The following HDAC9 variants were observed in gnomAD, a reference collection of about 807,000 sequenced individuals.
HDAC9 encodes MEF-2 interacting transcription repressor (MITR) protein.
In HDAC9, 41 loss-of-function variants were observed where a neutral mutation model predicts 139.4. The ratio of observed to expected loss-of-function variants is 0.29; its 90% CI spans 0.23 to 0.38. The LOEUF (loss-of-function observed/expected upper bound fraction) is 0.38, where lower values mean the gene tolerates loss of function less well. HDAC9 is among the 10% of genes least tolerant of loss of function. HDAC9 has a pLI of 1.00. For missense variants in HDAC9, 1,147 were observed against 1,297.0 expected (o/e 0.88, Z 1.78); for synonymous variants, 517 against 476.2 (o/e 1.09, Z -1.12).
intron 17 of HDAC9, among the ~76,000 whole-genome samples, chr7:18,826,465 G>T (rs1378046515): frequency 6.6e-6 from 1 of 152,182 alleles, no homozygotes; most frequent in Non-Finnish European, 1.5e-5. Flanking sequence ...GGTGGATCAT[G>T]ATGACTGAGA....
At chr7:18,590,611 T>C in intron 4 of HDAC9, 125 bp downstream of exon 4, 2 of 975,128 alleles carry the variant, frequency 2.1e-6, no homozygotes, top group Non-Finnish European at 3.0e-6. Flanking sequence ...ATTAAAAGCA[T>C]AGATTACAGA....
In HDAC9 at chr7:18,306,309, A is replaced by C. The variant is rs919496466; in HGVS notation, c.-42+15794A>C. Among the ~76,000 whole-genome samples the C allele has an allele frequency of 3.3e-5, 5 of 152,294 alleles. No individual in the cohort carries two copies. The East Asian group carries it at 7.7e-4, about 24-fold the overall frequency. On this transcript the variant is annotated intron_variant, in intron 1 of 3. Coordinates refer to the HDAC9 transcript ENST00000413509. ...TTCCTCAGCACTTCTGGCCACTGAAAAATACATCCAATCGTTACAGTTAGA... is the reference window on the plus strand; with the variant it reads ...TTCCTCAGCACTTCTGGCCACTGAACAATACATCCAATCGTTACAGTTAGA...
chr7:18,830,771 C>A (rs1225957813), intron 19 of HDAC9, among the ~76,000 whole-genome samples: 1 of 152,170 alleles, frequency 6.6e-6, no homozygotes, highest in East Asian at 1.9e-4. Context: ...ATTTTCCATA[C>A]ACGCCTGAGT....
At chr7:18,984,326 G>T (rs866662419) in intron 25 of HDAC9, among the ~76,000 whole-genome samples, 4 of 152,100 alleles carry the variant, frequency 2.6e-5, no homozygotes, top group Non-Finnish European at 4.4e-5. Context: ...GGGCAGTTGG[G>T]GGTGCCACAG....
intron 12 of HDAC9, among the ~76,000 whole-genome samples, chr7:18,692,650 A>C (rs1782752997): frequency 6.6e-6 from 1 of 152,136 alleles, no homozygotes; most frequent in Admixed American, 6.6e-5. Flanking sequence ...GGGCCACGCA[A>C]ACTAATGGAG....
At chr7:18,874,312 TA>T (rs1799158230) in intron 21 of HDAC9, among the ~76,000 whole-genome samples, 165 bp from the exon 22 acceptor site, 1 of 152,126 alleles carries the variant, frequency 6.6e-6, no homozygotes, top group Non-Finnish European at 1.5e-5. Flanking sequence ...AACAGCGATT[TA>T]TTATTAAGGA....
chr7:18,155,995 T>A (rs1341267289), intron 1 of HDAC9, among the ~76,000 whole-genome samples: 1 of 152,176 alleles, frequency 6.6e-6, no homozygotes, highest in African/African-American at 2.4e-5. Flanking sequence ...AGTCCTAGAC[T>A]CTCATCATTC....
intron 13 of HDAC9, among the ~76,000 whole-genome samples, chr7:18,734,044 A>T (rs964784791): frequency 6.6e-6 from 1 of 152,214 alleles, no homozygotes; most frequent in Non-Finnish European, 1.5e-5. Flanking sequence ...TATTTCACGT[A>T]TACCTTGTTT....
intron 1 of HDAC9, among the ~76,000 whole-genome samples, chr7:18,321,772 G>T (rs910812392): frequency 2.0e-5 from 3 of 152,068 alleles, no homozygotes; most frequent in African/African-American, 7.2e-5. Flanking sequence ...CAGATGAGAC[G>T]CGCCCTGGTG....
intron 2 of HDAC9, among the ~76,000 whole-genome samples, chr7:18,260,986 A>G (rs920343606): frequency 6.6e-6 from 1 of 152,092 alleles, no homozygotes; most frequent in East Asian, 1.9e-4. Flanking sequence ...AAATATAAGC[A>G]AACATGCTGG....
intron 22 of HDAC9, among the ~76,000 whole-genome samples, chr7:18,902,943 A>T (rs1425935266): frequency 2.0e-5 from 3 of 152,218 alleles, no homozygotes; most frequent in Admixed American, 6.5e-5. Flanking sequence ...TTATTTACAT[A>T]TGGCATTGTG....
intron 17 of HDAC9, among the ~76,000 whole-genome samples, chr7:18,807,024 G>A (rs965628792): frequency 5.9e-5 from 9 of 152,122 alleles, no homozygotes; most frequent in Admixed American, 1.3e-4. Flanking sequence ...GGTTTGAGAA[G>A]TATTTGCATT....
At chr7:18,904,192 T>G (rs1280250146) in intron 22 of HDAC9, among the ~76,000 whole-genome samples, 1 of 152,236 alleles carries the variant, frequency 6.6e-6, no homozygotes. Context: ...ATGAATTTAC[T>G]GAAATAGTAA....
intron 16 of HDAC9, among the ~76,000 whole-genome samples, chr7:18,769,355 C>T (rs954606428): frequency 6.6e-6 from 1 of 152,128 alleles, no homozygotes; most frequent in African/African-American, 2.4e-5. Flanking sequence ...AAACATAATG[C>T]ACAGTGTGGG....
intron 2 of HDAC9, among the ~76,000 whole-genome samples, chr7:18,166,305 C>T (rs551110973): frequency 3.3e-5 from 5 of 152,128 alleles, no homozygotes; most frequent in Non-Finnish European, 5.9e-5. Context: ...CTCTTTTCAC[C>T]ATTGTGGGAA....
chr7:18,544,433 C>CT (rs1327342537), intron 2 of HDAC9, among the ~76,000 whole-genome samples: 1 of 152,130 alleles, frequency 6.6e-6, no homozygotes, highest in Non-Finnish European at 1.5e-5. Flanking sequence ...AGATGCCAAC[C>CT]AGGCATCAAT....
intron 21 of HDAC9, among the ~76,000 whole-genome samples, chr7:18,843,934 C>T (rs746458373): frequency 6.6e-6 from 1 of 152,112 alleles, no homozygotes; most frequent in Non-Finnish European, 1.5e-5. Context: ...TCAGATATTA[C>T]ATCTGAGATG....
chr7:18,960,283 C>G (rs572901239), intron 24 of HDAC9, among the ~76,000 whole-genome samples: 1 of 152,164 alleles, frequency 6.6e-6, no homozygotes, highest in South Asian at 2.1e-4. Context: ...AGATGAGAGG[C>G]AAGTATATTT....
intron 2 of HDAC9, among the ~76,000 whole-genome samples, chr7:18,567,146 A>G (rs1419084174): frequency 1.3e-5 from 2 of 152,182 alleles, no homozygotes; most frequent in Admixed American, 1.3e-4. Context: ...GTCCTGCAGC[A>G]TGCCAAATTT....
Sources: gnomAD v4.1 joint callset for allele counts (sites outside exome capture counted in the v4.1 genomes callset) on GRCh38, gnomAD v4.1.1 for gene constraint, MANE v1.5 for transcripts, NCBI Gene and HGNC (gene_info 2026-07-23, HGNC 2026-07-21) for gene names.